ATRNL1: variants seen among roughly 807,000 people sequenced by gnomAD.
The protein encoded by ATRNL1 is attractin-like protein 1.
ATRNL1 carries 95 observed loss-of-function variants against 182.7 expected under a neutral mutation model. The ratio of observed to expected loss-of-function variants is 0.52; its 90% confidence interval spans 0.44 to 0.62. The LOEUF is 0.62. Ranked by LOEUF, ATRNL1 falls within the 20% of genes least tolerant of loss-of-function variation. ATRNL1 has a pLI of 0.00. For missense variants in ATRNL1, 1,471 were observed against 1,679.5 expected (o/e 0.88, Z 2.17); for synonymous variants, 576 against 568.3 (o/e 1.01, Z -0.19).
At chr10:115,173,953 A>G (rs527672371) in intron 8 of ATRNL1, among the ~76,000 whole-genome samples, 11 of 146,062 alleles carry the variant, frequency 7.5e-5, no homozygotes, top group Non-Finnish European at 1.6e-4. Context: ...TCAAAAAGTC[A>G]TTCTTGCTTT....
At chr10:115,765,527 G>GT (rs1281692827) in intron 27 of ATRNL1, among the ~76,000 whole-genome samples, 2 of 152,110 alleles carry the variant, frequency 1.3e-5, no homozygotes, top group East Asian at 3.9e-4. Context: ...TTCTTCATAT[G>GT]TTTTGGATAA....
intron 26 of ATRNL1, among the ~76,000 whole-genome samples, chr10:115,640,421 C>T (rs1196131686): frequency 6.6e-6 from 1 of 152,202 alleles, no homozygotes; most frequent in Non-Finnish European, 1.5e-5. Context: ...AGTTTCTCCA[C>T]ATCCTTGCCA....
intron 24 of ATRNL1, among the ~76,000 whole-genome samples, chr10:115,481,298 T>TA (rs1234313732): frequency 2.0e-4 from 30 of 150,730 alleles, no homozygotes; most frequent in Non-Finnish European, 4.2e-4. Context: ...ATTTTTGTTT[T>TA]AAAAAAGAGC....
At chr10:115,394,526 C>T (rs537607432) in intron 19 of ATRNL1, 133 bp from the exon 20 acceptor site, 2 of 675,626 alleles carry the variant, frequency 3.0e-6, no homozygotes, top group African/African-American at 3.7e-5. Flanking sequence ...TTTATACTAT[C>T]TGGTAACCTT....
intron 19 of ATRNL1, among the ~76,000 whole-genome samples, chr10:115,376,198 G>A (rs1425677551): frequency 3.3e-5 from 5 of 151,894 alleles, no homozygotes; most frequent in Non-Finnish European, 5.9e-5. Context: ...TTTAAAGGGG[G>A]TAGGGATTTC....
chr10:115,478,837 A>G (rs1554973617), intron 24 of ATRNL1, among the ~76,000 whole-genome samples: 2 of 151,710 alleles, frequency 1.3e-5, no homozygotes. Context: ...TTCTTTTTAT[A>G]TCAAATATAT....
chr10:115,361,099 G>A (rs1856725722), intron 19 of ATRNL1, among the ~76,000 whole-genome samples: 1 of 151,900 alleles, frequency 6.6e-6, no homozygotes, highest in Admixed American at 6.6e-5. Flanking sequence ...AATCTTATGG[G>A]AGATACTTTG....
chr10:115,540,772 AGG>A lies in ATRNL1; in HGVS notation c.3717-8681_3717-8680del, dbSNP rs35103558. Among the ~76,000 whole-genome samples, 4 of 30,542 alleles carry A rather than the reference AGG, an allele frequency of 1.3e-4. No individual in the cohort carries two copies. The South Asian group carries it at 3.3e-3, about 25-fold the overall frequency. The allele number at this position is 30,542 out of a possible 152,430, so 20.0% of individuals were successfully genotyped here. A position where few individuals can be genotyped will look rare whatever the true frequency, so the allele number is the denominator to read the frequency against. ...AACTCCGTCTAAAAAAAAAAAAAAA[AGG>A]GGGGAGGGAACAGGGCTCTAATGGA... On this transcript the variant is annotated intron_variant, in intron 25 of 28. Coordinates refer to ENST00000355044, the MANE Select transcript of ATRNL1 (RefSeq NM_207303.4).
At chr10:115,545,368 A>T (rs1403148182) in intron 25 of ATRNL1, among the ~76,000 whole-genome samples, 5 of 151,974 alleles carry the variant, frequency 3.3e-5, no homozygotes, top group Admixed American at 6.6e-5. Flanking sequence ...ATATTATTTT[A>T]AAAATATTTT....
At chr10:115,614,545 G>A (rs538158157) in intron 26 of ATRNL1, among the ~76,000 whole-genome samples, 9 of 152,156 alleles carry the variant, frequency 5.9e-5, no homozygotes, top group Admixed American at 5.9e-4. Flanking sequence ...GGTTTATTTG[G>A]TCTATAATGC....
chr10:115,383,839 T>G (rs1858174933), intron 19 of ATRNL1, among the ~76,000 whole-genome samples: 1 of 151,964 alleles, frequency 6.6e-6, no homozygotes, highest in Admixed American at 6.6e-5. Context: ...ACTGTAAAAT[T>G]TAGTTACCTT....
intron 27 of ATRNL1, among the ~76,000 whole-genome samples, chr10:115,824,831 A>G (rs565855807): frequency 8.1e-4 from 123 of 152,290 alleles, no homozygotes; most frequent in African/African-American, 2.8e-3. Flanking sequence ...TAGTTCAGCC[A>G]TTGTGGAAGA....
chr10:115,128,073 A>C (rs1313543920), intron 4 of ATRNL1, among the ~76,000 whole-genome samples: 1 of 152,182 alleles, frequency 6.6e-6, no homozygotes, highest in African/African-American at 2.4e-5. Flanking sequence ...TATCACTTGT[A>C]ATTTGAAGAG....
intron 28 of ATRNL1, among the ~76,000 whole-genome samples, chr10:115,892,092 TTTG>T (rs1259369149): frequency 1.1e-4 from 16 of 152,242 alleles, no homozygotes; most frequent in African/African-American, 3.4e-4. Flanking sequence ...ATTTTGGGGT[TTTG>T]TTGTTGTTGT....
At chr10:115,474,567 AGCAGG>A (rs1848447815) in intron 24 of ATRNL1, among the ~76,000 whole-genome samples, 1 of 151,132 alleles carries the variant, frequency 6.6e-6, no homozygotes, top group Admixed American at 6.6e-5. Flanking sequence ...GGTGAAATAG[AGCAGG>A]GATGGAAGGG....
At chr10:115,178,070 C>G (rs1181546243) in intron 8 of ATRNL1, among the ~76,000 whole-genome samples, 1 of 151,170 alleles carries the variant, frequency 6.6e-6, no homozygotes, top group African/African-American at 2.4e-5. Flanking sequence ...AGGCATGCAC[C>G]ACCACACCCA....
At chr10:115,604,602 C>A (rs1337314997) in intron 26 of ATRNL1, among the ~76,000 whole-genome samples, 1 of 152,152 alleles carries the variant, frequency 6.6e-6, no homozygotes, top group Non-Finnish European at 1.5e-5. Flanking sequence ...ACAACTCAGC[C>A]TCTCCACACT....
At chr10:115,482,549 TATAATA>T (rs35269939) in intron 24 of ATRNL1, among the ~76,000 whole-genome samples, 18 of 150,738 alleles carry the variant, frequency 1.2e-4, no homozygotes, top group Non-Finnish European at 2.2e-4. Flanking sequence ...GATAAACAAA[TATAATA>T]ATTTTTAATT....
chr10:115,887,489 T>C (rs1951974765), intron 28 of ATRNL1, among the ~76,000 whole-genome samples: 1 of 152,140 alleles, frequency 6.6e-6, no homozygotes, highest in African/African-American at 2.4e-5. Flanking sequence ...TTCTGGGCTC[T>C]CTTTTATAAG....
Sources: allele counts gnomAD v4.1 joint callset (sites outside exome capture counted in the v4.1 genomes callset), GRCh38; gene constraint gnomAD v4.1.1; transcripts MANE v1.5; gene names NCBI Gene and HGNC (gene_info 2026-07-23, HGNC 2026-07-21).